Variants in SREK1 observed in about 807,000 individuals in gnomAD.
SREK1 encodes splicing regulatory glutamine/lysine-rich protein 1.
SREK1 carries 13 observed loss-of-function variants against 66.5 expected under a neutral mutation model. The ratio of observed to expected loss-of-function variants is 0.20; its 90% CI spans 0.13 to 0.31. The LOEUF (loss-of-function observed/expected upper bound fraction) is 0.31. Among genes scored for constraint, SREK1 ranks in the 10% least tolerant of loss-of-function variants. The pLI is 1.00. For synonymous variants in SREK1, 265 were observed against 263.5 expected, an observed-to-expected ratio of 1.01 and a Z score of -0.05; for missense variants, 607 against 769.6, an observed-to-expected ratio of 0.79 and a Z score of 2.50.
At position 66,162,095 on chromosome 5, in the gene SREK1, T is replaced by C. The variant is rs747994056; in HGVS notation, c.412-14T>C. 5.6e-5 allele frequency: 90 copies of C among 1,604,994 alleles called. No individual in the cohort carries two copies. The highest frequency in any genetic ancestry group is 7.2e-5 in the Non-Finnish European group (85 of 1,176,910). ...AAATATGTGTTCTGTGTGTTTTTTT[T>C]CTTCTTTCGATAGCTTGGTGTTTCA... On this transcript the variant is annotated splice_polypyrimidine_tract_variant and intron_variant, in intron 3 of 11. Transcript: ENST00000334121.
intron 1 of SREK1, among the ~76,000 whole-genome samples, chr5:66,151,834 CTTTTTTTTTTTTTTTT>C (rs60920757): frequency 2.4e-5 from 2 of 84,788 alleles, no homozygotes; most frequent in East Asian, 4.0e-4. Context: ...GAGGTACATC[CTTTTTTTTTTTTTTTT>C]TTTTTTTTTT....
chr5:66,153,674 C>G (rs1744037823), intron 2 of SREK1, 78 bp downstream of exon 2: 1 of 1,575,894 alleles, frequency 6.3e-7, no homozygotes, highest in African/African-American at 1.4e-5. Flanking sequence ...TAGAGATTGG[C>G]AAGTAGACAG....
At chr5:66,178,251 T>C (rs534763636) in intron 11 of SREK1, among the ~76,000 whole-genome samples, 3 of 152,202 alleles carry the variant, frequency 2.0e-5, no homozygotes, top group East Asian at 3.9e-4. Flanking sequence ...GCATTTACGA[T>C]GTGCCGGGCA....
chr5:66,150,628 A>G (rs2111944302), intron 1 of SREK1, among the ~76,000 whole-genome samples: 1 of 152,304 alleles, frequency 6.6e-6, no homozygotes, highest in South Asian at 2.1e-4. Flanking sequence ...GTGATTTCTT[A>G]AAAGCTGTTA....
intron 3 of SREK1, among the ~76,000 whole-genome samples, chr5:66,159,859 G>T (rs776285529): frequency 2.0e-5 from 3 of 152,178 alleles, no homozygotes; most frequent in African/African-American, 4.8e-5. Context: ...GGCCAGGCGC[G>T]GTGGCTCATG....
At chr5:66,163,996 A>C in intron 6 of SREK1, 74 bp downstream of exon 6, 1 of 1,515,340 alleles carries the variant, frequency 6.6e-7, no homozygotes, top group East Asian at 2.3e-5. Context: ...GAATTTTAGA[A>C]ATCATCTTGT....
chr5:66,161,667 T>C (rs997629178), intron 3 of SREK1, among the ~76,000 whole-genome samples: 2 of 152,206 alleles, frequency 1.3e-5, no homozygotes, highest in Non-Finnish European at 2.9e-5. Flanking sequence ...GAATCGACAA[T>C]ATATAACAGC....
intron 10 of SREK1, 167 bp from the exon 11 acceptor site, chr5:66,177,347 G>T: frequency 1.8e-6 from 1 of 551,022 alleles, no homozygotes. Flanking sequence ...GGTGGGGTAG[G>T]TCAGGTTGTA....
In SREK1 at chr5:66,144,365, A is replaced by G; in HGVS notation, c.-12A>G. On this transcript the variant is annotated 5_prime_UTR_variant, in exon 1 of 12. Transcript: ENST00000334121. ...CGTTGGGGAGCGGGAAGGCAACGGC[A>G]GCGGGATCGGGATGAACAGCGGCGG... 1 of 1,533,026 alleles carries G rather than the reference A, an allele frequency of 6.5e-7. No homozygotes were observed. The highest frequency in any genetic ancestry group is 1.2e-5 in the South Asian group (1 of 83,496). 95.0% of individuals were successfully genotyped at this position (1,533,026 alleles called of 1,614,324 possible). A position where few individuals can be genotyped will look rare whatever the true frequency, so the allele number is the denominator to read the frequency against.
intron 1 of SREK1, among the ~76,000 whole-genome samples, chr5:66,152,534 GT>G (rs58532165): frequency 0.011 from 1,660 of 152,216 alleles, 35 homozygotes; most frequent in African/African-American, 0.038. Context: ...ATTGTAGTCA[GT>G]TTTCTTTCCT....
intron 7 of SREK1, 181 bp from the exon 8 acceptor site, chr5:66,169,870 G>T: frequency 2.1e-6 from 1 of 470,558 alleles, no homozygotes; most frequent in Non-Finnish European, 3.7e-6. Context: ...TTCTGTCTCT[G>T]TTCTAGACAA....
chr5:66,177,713 A>G lies in SREK1; in HGVS notation c.1725+55A>G. ...TTGAAATGGTTCTTTATTGCATACA[A>G]ATGGTTTTAGACTGAAAGCTCTTTG... On this transcript the variant is annotated intron_variant, in intron 11 of 11. Coordinates refer to ENST00000334121, the MANE Select transcript of SREK1 (RefSeq NM_001077199.3). 3.3e-6 allele frequency: 5 copies of G among 1,500,296 alleles called. No individual in the cohort carries two copies. The South Asian group carries it at 6.9e-5, about 21-fold the overall frequency. 92.9% of individuals were successfully genotyped at this position (1,500,296 alleles called of 1,614,324 possible). A position where few individuals can be genotyped will look rare whatever the true frequency, so the allele number is the denominator to read the frequency against.
rs1348613116 is a variant in SREK1 at position 66,157,815 on chromosome 5, G to T, written c.296-1404G>T. On this transcript the variant is annotated intron_variant, in intron 2 of 11. Coordinates refer to ENST00000334121, the MANE Select transcript of SREK1 (RefSeq NM_001077199.3). ...ATTTGCTTCCTATAAATAAGGCATA[G>T]CCATTATTTAAATCAAGTTTTAAAT... 4 of 619,402 alleles carry T rather than the reference G, an allele frequency of 6.5e-6. No individual in the cohort carries two copies. The South Asian group carries it at 2.2e-4, about 34-fold the overall frequency. 38.4% of individuals were successfully genotyped at this position (619,402 alleles called of 1,614,324 possible).
At chr5:66,163,988 A>G (rs1242405385) in intron 6 of SREK1, 66 bp downstream of exon 6, 3 of 1,524,462 alleles carry the variant, frequency 2.0e-6, no homozygotes, top group East Asian at 2.3e-5. Context: ...ACTGGAAGGA[A>G]TTTTAGAAAT....
intron 1 of SREK1, among the ~76,000 whole-genome samples, chr5:66,150,194 C>CT (rs1247752879): frequency 6.6e-6 from 1 of 152,154 alleles, no homozygotes; most frequent in Non-Finnish European, 1.5e-5. Context: ...GCTAGAGAAG[C>CT]TTATAGGATC....
Position 66,164,003 on chromosome 5 carries a change from T to G in SREK1, c.886+81T>G, listed in dbSNP as rs1451138556. On this transcript the variant is annotated intron_variant, in intron 6 of 11. Coordinates refer to ENST00000334121, the MANE Select transcript of SREK1 (RefSeq NM_001077199.3). The stretch of plus-strand genomic sequence containing the variant: ...ACTGGAAGGAATTTTAGAAATCATC[T>G]TGTTCAGTCACTTCATTTTACAAAC... 4.0e-6 allele frequency: 6 copies of G among 1,488,684 alleles called. No individual in the cohort carries two copies. The East Asian group carries it at 1.4e-4, about 35-fold the overall frequency. The allele number at this position is 1,488,684 out of a possible 1,614,324, so 92.2% of individuals were successfully genotyped here.
chr5:66,156,159 G>T, intron 2 of SREK1: 1 of 1,385,912 alleles, frequency 7.2e-7, no homozygotes, highest in Non-Finnish European at 9.3e-7. Context: ...AACCTTCATT[G>T]GGGAAATGAG....
chr5:66,164,612 G>A (rs1745024727), intron 6 of SREK1, 171 bp from the exon 7 acceptor site: 7 of 1,533,964 alleles, frequency 4.6e-6, no homozygotes, highest in Non-Finnish European at 6.1e-6. Flanking sequence ...CTGCAGGGTG[G>A]CTGCACTCAA....
chr5:66,154,970 A>T (rs1327348853), intron 2 of SREK1, among the ~76,000 whole-genome samples: 1 of 152,220 alleles, frequency 6.6e-6, no homozygotes, highest in Non-Finnish European at 1.5e-5. Flanking sequence ...ATTAAACTGG[A>T]ATATTAATTA....
Sources: gnomAD v4.1 joint callset for allele counts (sites outside exome capture counted in the v4.1 genomes callset) on GRCh38, gnomAD v4.1.1 for gene constraint, MANE v1.5 for transcripts, NCBI Gene and HGNC (gene_info 2026-07-23, HGNC 2026-07-21) for gene names.